The following GCAT variants were observed in gnomAD, a reference collection of about 807,000 sequenced individuals.
The protein encoded by GCAT is 2-amino-3-ketobutyrate coenzyme A ligase, mitochondrial.
Under a neutral mutation model 39.7 loss-of-function variants are expected in GCAT, and 26 were observed. The ratio of observed to expected loss-of-function variants is 0.65; its 90% CI spans 0.48 to 0.91. The LOEUF is 0.91. Among genes scored for constraint, GCAT ranks in the 40% least tolerant of loss-of-function variants. GCAT has a pLI of 0.00. For missense variants in GCAT, 550 were observed against 576.2 expected (o/e 0.95, Z 0.47); for synonymous variants, 218 against 237.2 (o/e 0.92, Z 0.74).
intron 1 of GCAT, 117 bp downstream of exon 1, chr22:37,808,280 C>A: frequency 1.3e-6 from 1 of 775,016 alleles, no homozygotes; most frequent in Non-Finnish European, 1.9e-6. Context: ...CCCTTCGCAT[C>A]TCTCAGGGCG....
chr22:37,813,782 CT>C (rs1291579078), intron 4 of GCAT, among the ~76,000 whole-genome samples, 173 bp downstream of exon 4: 8 of 151,164 alleles, frequency 5.3e-5, no homozygotes, highest in Admixed American at 4.6e-4. Flanking sequence ...TTTTTTTTCC[CT>C]GAGACAGAGT....
At chr22:37,814,723 C>T (rs953818157) in intron 4 of GCAT, among the ~76,000 whole-genome samples, 1 of 152,160 alleles carries the variant, frequency 6.6e-6, no homozygotes, top group Non-Finnish European at 1.5e-5. Context: ...GTCTCGAACC[C>T]GTAAGCTCCC....
rs770452497 is a variant in GCAT, at chr22:37,815,711, G to T, written c.863G>T (p.Arg288Leu). 6 of 1,613,524 alleles carry T rather than the reference G, an allele frequency of 3.7e-6. No individual in the cohort carries two copies. Among genetic ancestry groups the T allele is most frequent in the Non-Finnish European group, 5.1e-6 (6 of 1,179,892 alleles). ...PGPLVSLLRQ[R>L]ARPYLFSNSL... The stretch of plus-strand genomic sequence containing the variant: ...CCCCTGGTGTCCCTGCTGCGGCAGC[G>T]CGCCCGGCCATACCTCTTCTCCAAC... The change falls in exon 7 of 9, where the codon CGC (arginine) becomes CTC (leucine). Residue 288 changes from arginine to leucine, a missense_variant. Coordinates refer to ENST00000248924, the MANE Select transcript of GCAT (RefSeq NM_014291.4).
intron 2 of GCAT, among the ~76,000 whole-genome samples, chr22:37,812,339 C>G (rs1297010858): frequency 6.6e-6 from 1 of 151,610 alleles, no homozygotes; most frequent in South Asian, 2.1e-4. Context: ...ATCCCTGTCT[C>G]ATTTGCCAAA....
chr22:37,815,376 C>G (rs1386202665), intron 5 of GCAT, 42 bp from the exon 6 acceptor site: 1 of 1,596,452 alleles, frequency 6.3e-7, no homozygotes. Flanking sequence ...AATCCCTGGG[C>G]TCTCAGGAGG....
intron 2 of GCAT, among the ~76,000 whole-genome samples, chr22:37,810,571 C>A (rs143278731): frequency 7.3e-6 from 1 of 136,590 alleles, no homozygotes; most frequent in African/African-American, 2.8e-5. Flanking sequence ...GGCTGGAGTG[C>A]GGTGGCATGA....
chr22:37,812,435 G>A (rs1008677201), intron 2 of GCAT, among the ~76,000 whole-genome samples: 1 of 152,054 alleles, frequency 6.6e-6, no homozygotes, highest in African/African-American at 2.4e-5. Context: ...AATGTCAGAG[G>A]CAGAACTCCT....
chr22:37,814,669 A>T (rs1321514274), intron 4 of GCAT, among the ~76,000 whole-genome samples: 1 of 151,994 alleles, frequency 6.6e-6, no homozygotes, highest in East Asian at 1.9e-4. Context: ...GCCAGTTTTT[A>T]AAATTTTTAG....
chr22:37,812,201 G>A (rs569091013), intron 2 of GCAT, among the ~76,000 whole-genome samples: 23 of 152,178 alleles, frequency 1.5e-4, no homozygotes, highest in African/African-American at 5.1e-4. Context: ...GCTGGGTGTG[G>A]TGGTGCGCAC....
intron 1 of GCAT, 113 bp downstream of exon 1, chr22:37,808,276 G>C: frequency 1.2e-6 from 1 of 810,444 alleles, no homozygotes; most frequent in Non-Finnish European, 1.8e-6. Flanking sequence ...GTTCCCCTTC[G>C]CATCTCTCAG....
intron 2 of GCAT, among the ~76,000 whole-genome samples, chr22:37,810,572 G>C (rs949275295): frequency 1.4e-5 from 2 of 146,118 alleles, no homozygotes; most frequent in African/African-American, 5.1e-5. Flanking sequence ...GCTGGAGTGC[G>C]GTGGCATGAT....
chr22:37,816,617 C>G lies in GCAT; in HGVS notation c.1159C>G (p.Arg387Gly), dbSNP rs17856459. Reference protein sequence around the residue: ...SYPVVPKGKARIRVQISAVHS... With the variant: ...SYPVVPKGKAGIRVQISAVHS... Reference sequence around the variant, plus strand: ...CCCCGTGGTCCCCAAGGGCAAGGCCCGGATCCGGGTACAGATCTCAGCAGT... The same window carrying G: ...CCCCGTGGTCCCCAAGGGCAAGGCCGGGATCCGGGTACAGATCTCAGCAGT... The change falls in exon 9 of 9, where the codon CGG (arginine) becomes GGG (glycine). Residue 387 changes from arginine to glycine, a missense_variant. Physicochemically the swap from Arg to Gly is moderately radical, Grantham distance 125 (BLOSUM62 -2). Transcript: ENST00000248924. 4 of 1,614,166 alleles carry G rather than the reference C, an allele frequency of 2.5e-6. No individual in the cohort carries two copies. In the South Asian group the frequency reaches 3.3e-5, roughly 13 times the overall value.
intron 1 of GCAT, among the ~76,000 whole-genome samples, chr22:37,808,957 G>C (rs1422827187): frequency 6.6e-6 from 1 of 152,180 alleles, no homozygotes; most frequent in Non-Finnish European, 1.5e-5. Flanking sequence ...AAAGTGTTGG[G>C]ATTACAGGCG....
At position 37,810,114 on chromosome 22, in the gene GCAT, T is replaced by C. The variant is rs372574599; in HGVS notation, c.284T>C (p.Phe95Ser). The change falls in exon 2 of 9, where the codon TTT (phenylalanine) becomes TCT (serine). Residue 95 changes from phenylalanine (F) to serine (S), a missense_variant. Around this residue, in one of 3 missense-constraint regions of GCAT, gnomAD observed 154 missense variants for 141.9 expected, o/e 1.08. Transcript: ENST00000248924. ...GCAGGTCTGCAGGCTCTGGAGGAGT[T>C]TGGAGCTGGCCTCAGCTCTGTCCGC... is the stretch of plus-strand genomic sequence containing the variant. ...IQAGLQALEEFGAGLSSVRFI... is the reference protein window; with the variant it reads ...IQAGLQALEESGAGLSSVRFI... The C allele has an allele frequency of 6.2e-7, 1 of 1,614,158 alleles. No homozygotes were observed. Among genetic ancestry groups the C allele is most frequent in the Non-Finnish European group, 8.5e-7 (1 of 1,180,000 alleles).
chr22:37,816,055 G>A, intron 7 of GCAT, 145 bp from the exon 8 acceptor site: 2 of 1,049,398 alleles, frequency 1.9e-6, no homozygotes. Flanking sequence ...CCCCTGCCTG[G>A]CTCCCCTCTG....
rs112320859 is a variant in GCAT at position 37,815,642 on chromosome 22, C to G, written c.815-21C>G. Reference sequence around the variant, plus strand: ...CTGGCCCCTGACCAACCCCTCCCCCCACCTCTTCCCTTCTTCTCAGGGGGC... The same window carrying G: ...CTGGCCCCTGACCAACCCCTCCCCCGACCTCTTCCCTTCTTCTCAGGGGGC... On this transcript the variant is annotated intron_variant, in intron 6 of 8. Coordinates refer to ENST00000248924, the MANE Select transcript of GCAT (RefSeq NM_014291.4). 306 of 1,580,486 alleles carry G rather than the reference C, an allele frequency of 1.9e-4. No homozygotes were observed. The African/African-American group carries it at 3.6e-3, about 19-fold the overall frequency.
In GCAT at chr22:37,815,643, A is replaced by C; in HGVS notation, c.815-20A>C. 1 of 1,578,666 alleles carries C rather than the reference A, an allele frequency of 6.3e-7. No homozygotes were observed. The highest frequency in any genetic ancestry group is 8.7e-7 in the Non-Finnish European group (1 of 1,151,286). On this transcript the variant is annotated intron_variant, in intron 6 of 8. Coordinates refer to ENST00000248924, the MANE Select transcript of GCAT (RefSeq NM_014291.4). ...TGGCCCCTGACCAACCCCTCCCCCCACCTCTTCCCTTCTTCTCAGGGGGCT... is the reference window on the plus strand; with the variant it reads ...TGGCCCCTGACCAACCCCTCCCCCCCCCTCTTCCCTTCTTCTCAGGGGGCT...
At chr22:37,808,666 T>A (rs549445242) in intron 1 of GCAT, among the ~76,000 whole-genome samples, 1 of 151,802 alleles carries the variant, frequency 6.6e-6, no homozygotes, top group East Asian at 1.9e-4. Flanking sequence ...CCCTGCCAGG[T>A]CTCCCTCATT....
intron 7 of GCAT, 153 bp downstream of exon 7, chr22:37,815,987 C>G: frequency 4.3e-6 from 2 of 466,976 alleles, no homozygotes; most frequent in Middle Eastern, 2.1e-3. Flanking sequence ...TCCCCTCTAG[C>G]TTCTGTGTCT....
Sources: allele counts gnomAD v4.1 joint callset (sites outside exome capture counted in the v4.1 genomes callset), GRCh38; gene constraint gnomAD v4.1.1; regional missense constraint gnomAD v4.1.1; transcripts MANE v1.5; gene names NCBI Gene and HGNC (gene_info 2026-07-23, HGNC 2026-07-21).